The following PHAX variants were observed in gnomAD, a reference collection of about 807,000 sequenced individuals.
PHAX encodes phosphorylated adaptor for RNA export.
In PHAX, 31 loss-of-function variants were observed where a neutral mutation model predicts 41.6. The observed-to-expected ratio is 0.75, with a 90% CI of 0.56 to 1.01. The LOEUF (loss-of-function observed/expected upper bound fraction) is 1.01, where lower values mean the gene tolerates loss of function less well. PHAX is among the 50% of genes least tolerant of loss of function. PHAX has a pLI of 0.00. For missense variants in PHAX, 453 were observed against 472.9 expected (o/e 0.96, Z 0.39); for synonymous variants, 175 against 164.9 (o/e 1.06, Z -0.47).
chr5:126,604,413 C>T (rs559961868), intron 2 of PHAX, among the ~76,000 whole-genome samples: 112 of 151,238 alleles, frequency 7.4e-4, no homozygotes, highest in African/African-American at 2.6e-3. Flanking sequence ...CACAGGTATG[C>T]ACCCCCACGC....
intron 2 of PHAX, among the ~76,000 whole-genome samples, chr5:126,606,107 G>T (rs939848461): frequency 1.3e-5 from 2 of 152,090 alleles, no homozygotes; most frequent in Admixed American, 1.3e-4. Context: ...CATGTAGTAT[G>T]TAATCTCGTG....
rs1054725127 is a variant in PHAX at position 126,610,741 on chromosome 5, C to T, written c.831+2257C>T. Among the ~76,000 whole-genome samples, 10 of 152,336 alleles carry T rather than the reference C, an allele frequency of 6.6e-5. No homozygotes were observed. The East Asian group carries it at 1.7e-3, about 26-fold the overall frequency. ...TTATTTTTTGAGACACAGTCTGGCT[C>T]TCTTGCCCAGGCTGGAGTACAGTGG... On this transcript the variant is annotated intron_variant, in intron 3 of 4. Transcript: ENST00000297540.
chr5:126,608,543 T>TTTTGA, intron 3 of PHAX, 59 bp downstream of exon 3: 2 of 1,440,112 alleles, frequency 1.4e-6, no homozygotes, highest in Middle Eastern at 1.8e-4. Flanking sequence ...TTGTTTTTGA[T>TTTTGA]TACAAATTTA....
In PHAX at chr5:126,618,675, T is replaced by G. The variant is rs5871221; in HGVS notation, c.915+1342T>G. On this transcript the variant is annotated intron_variant, in intron 4 of 4. Transcript: ENST00000297540. ...AAAGTCTTTTTTTAAAAACTGTTTT[T>G]TTTTTTTTTGAGATGGAGTCTTGCT... 2.0e-4 allele frequency among the ~76,000 whole-genome samples: 17 copies of G among 83,690 alleles called. No homozygotes were observed. The East Asian group carries it at 2.9e-3, about 14-fold the overall frequency. 54.9% of individuals were successfully genotyped at this position (83,690 alleles called of 152,430 possible).
chr5:126,611,395 A>T (rs1752096285), intron 3 of PHAX, among the ~76,000 whole-genome samples: 1 of 152,170 alleles, frequency 6.6e-6, no homozygotes, highest in Non-Finnish European at 1.5e-5. Flanking sequence ...CCTTGAATTC[A>T]GTGCTTTCTA....
At chr5:126,619,756 C>T (rs376929221) in intron 4 of PHAX, among the ~76,000 whole-genome samples, 53 of 152,134 alleles carry the variant, frequency 3.5e-4, no homozygotes, top group African/African-American at 1.2e-3. Context: ...ATATCTTTTA[C>T]GGACATTCTT....
At chr5:126,613,654 TG>T (rs768655688) in intron 3 of PHAX, among the ~76,000 whole-genome samples, 15 of 152,312 alleles carry the variant, frequency 9.8e-5, no homozygotes, top group Non-Finnish European at 1.8e-4. Flanking sequence ...CACTTCAGCC[TG>T]GGTGAAGAGC....
intron 3 of PHAX, among the ~76,000 whole-genome samples, chr5:126,612,089 A>C (rs972921841): frequency 2.6e-5 from 4 of 152,136 alleles, no homozygotes; most frequent in Admixed American, 6.6e-5. Flanking sequence ...TTAAAAACTC[A>C]ATAATCAAAA....
At chr5:126,623,516 T>G (rs568154443) in intron 4 of PHAX, among the ~76,000 whole-genome samples, 61 of 152,304 alleles carry the variant, frequency 4.0e-4, no homozygotes, top group African/African-American at 1.3e-3. Context: ...GTAGCAAGCC[T>G]CATTATATTC....
chr5:126,601,437 C>T (rs1228710476), intron 1 of PHAX, among the ~76,000 whole-genome samples: 1 of 152,186 alleles, frequency 6.6e-6, no homozygotes, highest in Non-Finnish European at 1.5e-5. Context: ...TGGGGCTTCC[C>T]CACTCCATCG....
Position 126,626,720 on chromosome 5 carries a change from A to G in PHAX, c.*1876A>G, listed in dbSNP as rs1752359771. 8.3e-6 allele frequency: 1 copy of G among 120,104 alleles called. No individual in the cohort carries two copies. Among genetic ancestry groups the G allele is most frequent in the Admixed American group, 9.3e-5 (1 of 10,776 alleles). The allele number at this position is 120,104 out of a possible 1,614,324, so 7.4% of individuals were successfully genotyped here. A position where few individuals can be genotyped will look rare whatever the true frequency, so the allele number is the denominator to read the frequency against. ...CCACTGCACTCCAGCCTGGCGACAG[A>G]GCGAGACTCCCTCTCAAAAAAAAAA... On this transcript the variant is annotated 3_prime_UTR_variant, in exon 5 of 5. Coordinates refer to ENST00000297540, the MANE Select transcript of PHAX (RefSeq NM_032177.4).
chr5:126,617,475 TTTTA>T (rs796737607), intron 4 of PHAX, 142 bp downstream of exon 4: 338 of 511,502 alleles, frequency 6.6e-4, no homozygotes, highest in Middle Eastern at 1.3e-3. Context: ...CATTTATGCC[TTTTA>T]TTTATTTATT....
At position 126,608,794 on chromosome 5, in the gene PHAX, A is replaced by G. The variant is rs553196615; in HGVS notation, c.831+310A>G. Among the ~76,000 whole-genome samples, 9 of 151,896 alleles carry G rather than the reference A, an allele frequency of 5.9e-5. No individual in the cohort carries two copies. In the East Asian group the frequency reaches 1.2e-3, roughly 20 times the overall value. ...TCTACTAAAAATACAAAATTAGCCA[A>G]GCGTGGTGGCACATACCTGTAATCG... is the stretch of plus-strand genomic sequence containing the variant. On this transcript the variant is annotated intron_variant, in intron 3 of 4. Transcript: ENST00000297540.
chr5:126,607,204 G>A (rs1035897176), intron 2 of PHAX, among the ~76,000 whole-genome samples: 1 of 152,004 alleles, frequency 6.6e-6, no homozygotes, highest in African/African-American at 2.4e-5. Context: ...TTAAAATACT[G>A]GGGAAGTTTG....
chr5:126,610,240 T>C (rs1214949938), intron 3 of PHAX, among the ~76,000 whole-genome samples: 1 of 152,240 alleles, frequency 6.6e-6, no homozygotes, highest in African/African-American at 2.4e-5. Context: ...CTCCTCTGGC[T>C]AGGCCAGATC....
intron 2 of PHAX, 134 bp from the exon 3 acceptor site, chr5:126,608,230 C>G: frequency 1.0e-6 from 1 of 993,376 alleles, no homozygotes; most frequent in Non-Finnish European, 1.4e-6. Context: ...GTCAGTGATT[C>G]CAAGATTAAA....
intron 3 of PHAX, among the ~76,000 whole-genome samples, chr5:126,613,694 TTA>T (rs1243269936): frequency 6.6e-6 from 1 of 151,992 alleles, no homozygotes. Flanking sequence ...AGTAAAAAGA[TTA>T]TATGTGTCAA....
At chr5:126,603,512 TTAGG>T (rs1382128319) in intron 1 of PHAX, 54 bp from the exon 2 acceptor site, 14 of 1,521,992 alleles carry the variant, frequency 9.2e-6, no homozygotes, top group South Asian at 6.6e-5. Flanking sequence ...TTTTTAAAAA[TTAGG>T]TAGGTGGAGT....
chr5:126,624,258 C>T (rs1752313298), intron 4 of PHAX, among the ~76,000 whole-genome samples: 1 of 152,096 alleles, frequency 6.6e-6, no homozygotes, highest in Admixed American at 6.6e-5. Flanking sequence ...AACCACCCAC[C>T]TCCGCCTCCC....
Sources: allele counts gnomAD v4.1 joint callset (sites outside exome capture counted in the v4.1 genomes callset), GRCh38; gene constraint gnomAD v4.1.1; transcripts MANE v1.5; gene names NCBI Gene and HGNC (gene_info 2026-07-23, HGNC 2026-07-21).